Variants in TTC23L observed in about 807,000 individuals in gnomAD.
The protein encoded by TTC23L is tetratricopeptide repeat protein 23-like.
In TTC23L, 42 loss-of-function variants were observed where a neutral mutation model predicts 48.1. The ratio of observed to expected loss-of-function variants is 0.87; its 90% CI spans 0.68 to 1.13. The LOEUF (loss-of-function observed/expected upper bound fraction) is 1.13. Among genes scored for constraint, TTC23L ranks in the 50% most tolerant of loss-of-function variants. The pLI is 0.00. For missense variants in TTC23L, 391 were observed against 421.0 expected (o/e 0.93, Z 0.62); for synonymous variants, 159 against 157.2 (o/e 1.01, Z -0.09).
At chr5:34,875,379 G>T (rs372901865) in intron 8 of TTC23L, among the ~76,000 whole-genome samples, 1 of 152,018 alleles carries the variant, frequency 6.6e-6, no homozygotes, top group African/African-American at 2.4e-5. Flanking sequence ...ACAAAGTCCC[G>T]CAATAGGCCA....
At chr5:34,914,987 C>G in the TTC23L span, 2 of 1,385,942 alleles carry the variant, frequency 1.4e-6, no homozygotes, top group Admixed American at 2.0e-5. Flanking sequence ...AGTAAAACTC[C>G]CATCAGTGCT....
At chr5:34,915,827 C>T in the TTC23L span, 2 of 1,573,202 alleles carry the variant, frequency 1.3e-6, no homozygotes, top group South Asian at 1.2e-5. Context: ...GAGCCGCCAG[C>T]TAAGCGGCAC....
At position 34,869,190 on chromosome 5, in the gene TTC23L, C is replaced by T. The variant is rs151071086; in HGVS notation, c.949+177C>T. The T allele has an allele frequency of 9.0e-4, 484 of 535,628 alleles. 2 individuals carry two copies. The highest frequency in any genetic ancestry group is 8.3e-3 in the African/African-American group (436 of 52,408). 33.2% of individuals were successfully genotyped at this position (535,628 alleles called of 1,614,324 possible). A position where few individuals can be genotyped will look rare whatever the true frequency, so the allele number is the denominator to read the frequency against. On this transcript the variant is annotated intron_variant, in intron 8 of 10. Coordinates refer to ENST00000505624, the Ensembl canonical transcript of TTC23L. ...ATTTAAACCTGATAATATACCCCCA[C>T]ATTCGTTGGAATGTCAGTAACAAAT...
At chr5:34,872,435 A>C (rs1360912301) in intron 8 of TTC23L, among the ~76,000 whole-genome samples, 2 of 152,132 alleles carry the variant, frequency 1.3e-5, no homozygotes, top group African/African-American at 4.8e-5. Context: ...TTTGATAAAA[A>C]CTCTGGAGAG....
chr5:34,883,499 G>T, intron 9 of TTC23L: 1 of 174,722 alleles, frequency 5.7e-6, no homozygotes, highest in South Asian at 1.4e-4. Context: ...GAAAGAGCCT[G>T]AGCTGCTGGA....
chr5:34,843,737 T>C (rs564495850), intron 2 of TTC23L, among the ~76,000 whole-genome samples: 35 of 152,342 alleles, frequency 2.3e-4, no homozygotes, highest in Non-Finnish European at 3.4e-4. Flanking sequence ...AGCCGACTTA[T>C]GATCTCTTGC....
At chr5:34,914,936 C>A in the TTC23L span, 42 of 1,605,182 alleles carry the variant, frequency 2.6e-5, no homozygotes, top group East Asian at 8.7e-4. Context: ...CTGGGGCCAA[C>A]AACTTCTCGG....
At chr5:34,844,848 G>T (rs189911336) in intron 2 of TTC23L, among the ~76,000 whole-genome samples, 4 of 152,178 alleles carry the variant, frequency 2.6e-5, no homozygotes. Context: ...TTGATGTAGC[G>T]TGGGGTTCCC....
chr5:34,845,224 A>G (rs987184778), intron 2 of TTC23L, among the ~76,000 whole-genome samples: 8 of 152,250 alleles, frequency 5.3e-5, no homozygotes, highest in Non-Finnish European at 7.3e-5. Context: ...ACAGAGAAGT[A>G]AATTAATAAC....
At chr5:34,871,597 G>A (rs1289959921) in intron 8 of TTC23L, among the ~76,000 whole-genome samples, 1 of 152,108 alleles carries the variant, frequency 6.6e-6, no homozygotes, top group Non-Finnish European at 1.5e-5. Context: ...AGCTAAAATG[G>A]TTTTGGAAAA....
At chr5:34,843,297 C>T (rs1421388698) in intron 2 of TTC23L, among the ~76,000 whole-genome samples, 1 of 152,186 alleles carries the variant, frequency 6.6e-6, no homozygotes, top group Non-Finnish European at 1.5e-5. Context: ...ATAAACCTGG[C>T]AAGGCAGACC....
chr5:34,862,449 G>C (rs1180403536), intron 4 of TTC23L, among the ~76,000 whole-genome samples: 1 of 152,180 alleles, frequency 6.6e-6, no homozygotes, highest in Non-Finnish European at 1.5e-5. Flanking sequence ...TGTTTGGTAA[G>C]GGTCAGCTTC....
At chr5:34,881,593 A>C (rs565927069) in intron 9 of TTC23L, among the ~76,000 whole-genome samples, 1 of 152,302 alleles carries the variant, frequency 6.6e-6, no homozygotes, top group East Asian at 1.9e-4. Context: ...AATAAGTAAA[A>C]ATTTATTTCC....
At chr5:34,862,236 C>T (rs1328549038) in intron 4 of TTC23L, among the ~76,000 whole-genome samples, 1 of 152,134 alleles carries the variant, frequency 6.6e-6, no homozygotes, top group Non-Finnish European at 1.5e-5. Context: ...TTTGGGGCCT[C>T]CCTGCATTTA....
At chr5:34,861,609 C>T (rs1225666593) in intron 4 of TTC23L, 1 of 152,206 alleles carries the variant, frequency 6.6e-6, no homozygotes, top group Non-Finnish European at 1.5e-5. Flanking sequence ...TGCTATAACT[C>T]ATTCAGGAGG....
the TTC23L span, among the ~76,000 whole-genome samples, chr5:34,911,207 T>C: frequency 6.6e-6 from 1 of 152,236 alleles, no homozygotes. Context: ...TTGAAAAAGA[T>C]ACCATAATAC....
downstream of TTC23L, among the ~76,000 whole-genome samples, chr5:34,904,378 A>G (rs1763582749): frequency 1.3e-5 from 2 of 150,820 alleles, no homozygotes; most frequent in South Asian, 4.2e-4. Flanking sequence ...GGAGGATCAC[A>G]AGGTCAAAAG....
At chr5:34,899,626 C>T (rs1004976323), downstream of TTC23L, among the ~76,000 whole-genome samples, 1 of 152,184 alleles carries the variant, frequency 6.6e-6, no homozygotes, top group Non-Finnish European at 1.5e-5. Flanking sequence ...CGCGGTGGCT[C>T]ATGCCTATAA....
intron 9 of TTC23L, among the ~76,000 whole-genome samples, chr5:34,885,108 T>C (rs1762466627): frequency 6.6e-6 from 1 of 152,220 alleles, no homozygotes. Context: ...TAATTTCCAG[T>C]GCATACTTAA....
Sources: allele counts gnomAD v4.1 joint callset (sites outside exome capture counted in the v4.1 genomes callset), GRCh38; gene constraint gnomAD v4.1.1; transcripts MANE v1.5; gene names NCBI Gene and HGNC (gene_info 2026-07-23, HGNC 2026-07-21).